LRRC7: variants seen among roughly 807,000 people sequenced by gnomAD.
The protein encoded by LRRC7 is leucine-rich repeat-containing protein 7.
In LRRC7, 23 loss-of-function variants were observed where a neutral mutation model predicts 175.7. That is an observed-to-expected ratio of 0.13 (90% confidence interval 0.09 to 0.19). LRRC7 has a LOEUF of 0.19. Among genes scored for constraint, LRRC7 ranks in the 10% least tolerant of loss-of-function variants. The pLI is 1.00. For missense variants in LRRC7, 1,354 were observed against 1,904.7 expected (o/e 0.71, Z 5.38); for synonymous variants, 685 against 680.9 (o/e 1.01, Z -0.09).
In LRRC7 at chr1:70,143,883, ATTAAAAGTACTTTTTAG is replaced by A. The variant is rs1256646039; in HGVS notation, c.*21999_*22015del. ...GTGTTAAAAAGACTACTATATCACA[ATTAAAAGTACTTTTTAG>A]TTGAACTACATATTGATGTAAATAA... is the stretch of plus-strand genomic sequence containing the variant. On this transcript the variant is annotated 3_prime_UTR_variant, in exon 27 of 27. Coordinates refer to ENST00000651989, the MANE Select transcript of LRRC7 (RefSeq NM_001370785.2). The A allele has an allele frequency of 6.6e-6, 1 of 152,210 alleles. No individual in the cohort carries two copies. Among genetic ancestry groups the A allele is most frequent in the Non-Finnish European group, 1.5e-5 (1 of 68,032 alleles). 9.4% of individuals were successfully genotyped at this position (152,210 alleles called of 1,614,324 possible). A position where few individuals can be genotyped will look rare whatever the true frequency, so the allele number is the denominator to read the frequency against.
chr1:69,860,317 T>G (rs2101529257), intron 7 of LRRC7, among the ~76,000 whole-genome samples: 1 of 152,138 alleles, frequency 6.6e-6, no homozygotes, highest in South Asian at 2.1e-4. Flanking sequence ...TATTAATACT[T>G]TAAACTCACA....
intron 7 of LRRC7, among the ~76,000 whole-genome samples, chr1:69,918,907 T>C (rs1049803796): frequency 6.6e-6 from 1 of 151,966 alleles, no homozygotes; most frequent in Non-Finnish European, 1.5e-5. Context: ...CAAAAGAAAA[T>C]TGTTGCCCAT....
At chr1:70,050,860 A>C (rs1660693319) in intron 22 of LRRC7, among the ~76,000 whole-genome samples, 1 of 152,044 alleles carries the variant, frequency 6.6e-6, no homozygotes, top group Non-Finnish European at 1.5e-5. Context: ...TGCAGACTTA[A>C]GCCATCCCTA....
At chr1:69,765,629 T>C (rs567444573) in intron 3 of LRRC7, among the ~76,000 whole-genome samples, 8 of 152,206 alleles carry the variant, frequency 5.3e-5, no homozygotes, top group Admixed American at 3.3e-4. Context: ...CATCTATCTA[T>C]CCATTCAACA....
chr1:69,674,290 A>G (rs1659494717), intron 1 of LRRC7, among the ~76,000 whole-genome samples: 1 of 152,206 alleles, frequency 6.6e-6, no homozygotes. Context: ...CAACTAGAAA[A>G]GTCCAGAAAA....
At chr1:70,045,466 C>T (rs1191939866) in intron 22 of LRRC7, among the ~76,000 whole-genome samples, 1 of 152,082 alleles carries the variant, frequency 6.6e-6, no homozygotes, top group East Asian at 1.9e-4. Flanking sequence ...TACTTGAGTT[C>T]CTACTTTAAT....
At chr1:69,969,142 A>C (rs1204556561) in intron 8 of LRRC7, among the ~76,000 whole-genome samples, 1 of 152,104 alleles carries the variant, frequency 6.6e-6, no homozygotes, top group Non-Finnish European at 1.5e-5. Flanking sequence ...CTTGAAACAA[A>C]TCTTGGAAAC....
chr1:69,889,667 T>C (rs1211681849), intron 7 of LRRC7, among the ~76,000 whole-genome samples: 1 of 152,066 alleles, frequency 6.6e-6, no homozygotes, highest in Non-Finnish European at 1.5e-5. Flanking sequence ...ATTAGCTAGG[T>C]GTGGTGTCAT....
intron 4 of LRRC7, among the ~76,000 whole-genome samples, chr1:69,813,535 A>C (rs189340685): frequency 2.6e-4 from 40 of 152,266 alleles, no homozygotes; most frequent in Admixed American, 2.4e-3. Context: ...AAAAAACTAA[A>C]GCTCACTTCA....
chr1:69,851,388 G>A (rs1010510502), intron 7 of LRRC7, among the ~76,000 whole-genome samples: 19 of 152,180 alleles, frequency 1.2e-4, no homozygotes, highest in African/African-American at 4.1e-4. Context: ...AGATCTTAGT[G>A]GAGCATACTA....
rs1666930598 is a variant in LRRC7 at position 70,137,868 on chromosome 1, CT to C, written c.*15984del. Among the ~76,000 whole-genome samples, 1 of 152,224 alleles carries C rather than the reference CT, an allele frequency of 6.6e-6. No individual in the cohort carries two copies. The highest frequency in any genetic ancestry group is 2.1e-4 in the South Asian group (1 of 4,836). ...ACAACTTATTCTAAGGGAAGAATCT[CT>C]TTAGAGATTACATTACACCAGCAAG... On this transcript the variant is annotated 3_prime_UTR_variant, in exon 27 of 27. Coordinates refer to ENST00000651989, the MANE Select transcript of LRRC7 (RefSeq NM_001370785.2).
chr1:69,683,993 T>C (rs1660812260), intron 2 of LRRC7, among the ~76,000 whole-genome samples: 2 of 152,124 alleles, frequency 1.3e-5, no homozygotes, highest in African/African-American at 4.8e-5. Context: ...CTAAAAATTA[T>C]AAATTGTCAT....
chr1:69,682,896 A>G lies in LRRC7; in HGVS notation c.100+4418A>G, dbSNP rs546059366. ...ATTATATATTAGAATTTTGGAAGAC[A>G]GTTTGAAGTCTTCTTTTTTGTCCCA... On this transcript the variant is annotated intron_variant, in intron 2 of 26. Coordinates refer to ENST00000651989, the MANE Select transcript of LRRC7 (RefSeq NM_001370785.2). Among the ~76,000 whole-genome samples, 6 of 152,284 alleles carry G rather than the reference A, an allele frequency of 3.9e-5. No individual in the cohort carries two copies. The South Asian group carries it at 1.0e-3, about 26-fold the overall frequency.
At chr1:69,753,866 C>A (rs1670115933) in intron 2 of LRRC7, among the ~76,000 whole-genome samples, 1 of 152,032 alleles carries the variant, frequency 6.6e-6, no homozygotes, top group African/African-American at 2.4e-5. Flanking sequence ...GAATCACAAC[C>A]TACCTTGATG....
At chr1:69,925,451 G>A (rs892610876) in intron 7 of LRRC7, among the ~76,000 whole-genome samples, 14 of 152,138 alleles carry the variant, frequency 9.2e-5, no homozygotes, top group African/African-American at 3.1e-4. Context: ...TGGTTGGTAA[G>A]CTATTGATTA....
intron 7 of LRRC7, among the ~76,000 whole-genome samples, chr1:69,923,363 A>T (rs377620642): frequency 3.9e-5 from 6 of 152,012 alleles, no homozygotes; most frequent in African/African-American, 1.2e-4. Context: ...AAATGGTATT[A>T]CTAGTTCTAG....
intron 7 of LRRC7, among the ~76,000 whole-genome samples, chr1:69,894,211 A>T (rs547083283): frequency 4.9e-4 from 75 of 152,304 alleles, no homozygotes; most frequent in Admixed American, 9.8e-4. Context: ...CCCTCATAGT[A>T]TCTTGAAGTA....
chr1:69,776,636 C>T (rs900809822), intron 3 of LRRC7, among the ~76,000 whole-genome samples: 2 of 152,116 alleles, frequency 1.3e-5, no homozygotes, highest in African/African-American at 4.8e-5. Flanking sequence ...TCTTTAGAAC[C>T]ATTTTACTGC....
At chr1:70,066,949 C>G (rs1662024367) in intron 23 of LRRC7, among the ~76,000 whole-genome samples, 1 of 152,046 alleles carries the variant, frequency 6.6e-6, no homozygotes, top group African/African-American at 2.4e-5. Flanking sequence ...GTGATATATA[C>G]ACTTACTGAA....
Sources: allele counts gnomAD v4.1 joint callset (sites outside exome capture counted in the v4.1 genomes callset), GRCh38; gene constraint gnomAD v4.1.1; transcripts MANE v1.5; gene names NCBI Gene and HGNC (gene_info 2026-07-23, HGNC 2026-07-21).